OSBP2: variants seen among roughly 807,000 people sequenced by gnomAD.
OSBP2 encodes oxysterol-binding protein 2.
Under a neutral mutation model 96.0 loss-of-function variants are expected in OSBP2, and 66 were observed. That is an observed-to-expected ratio of 0.69 (90% CI 0.56 to 0.84). OSBP2 has a LOEUF of 0.84. OSBP2 is among the 40% of genes least tolerant of loss of function. The probability of loss-of-function intolerance (pLI) is 0.00; values close to 1 mark genes in which losing one functional copy is unlikely to be tolerated. For synonymous variants in OSBP2, 525 were observed against 520.9 expected (o/e 1.01, Z -0.11); for missense variants, 1,038 against 1,222.7 (o/e 0.85, Z 2.25).
chr22:30,840,598 A>G (rs1204964199), intron 2 of OSBP2, among the ~76,000 whole-genome samples: 2 of 152,194 alleles, frequency 1.3e-5, no homozygotes, highest in Admixed American at 6.5e-5. Flanking sequence ...GCCTCTCCAA[A>G]CCTATGTCTT....
At chr22:30,905,185 G>A (rs1269728554) in intron 12 of OSBP2, among the ~76,000 whole-genome samples, 7 of 124,018 alleles carry the variant, frequency 5.6e-5, no homozygotes, top group South Asian at 2.8e-4. Flanking sequence ...TCGAACTGTC[G>A]CCCAGGCTGG....
At position 30,905,828 on chromosome 22, in the gene OSBP2, C is replaced by T. The variant is rs757123208; in HGVS notation, c.2376-9C>T. The T allele has an allele frequency of 1.9e-6, 3 of 1,612,416 alleles. No homozygotes were observed. In the African/African-American group the frequency reaches 4.0e-5, roughly 22 times the overall value. ...GCAGCCACCGCCACCGCCACCACCA[C>T]CGCCACAGGGAGAACGCGGAGAACA... On this transcript the variant is annotated splice_polypyrimidine_tract_variant and intron_variant, in intron 12 of 13. Coordinates refer to ENST00000332585, the MANE Select transcript of OSBP2 (RefSeq NM_030758.4).
intron 1 of OSBP2, 124 bp from the exon 2 acceptor site, chr22:30,741,037 T>A: frequency 2.6e-6 from 2 of 769,220 alleles, no homozygotes; most frequent in Non-Finnish European, 4.2e-6. Flanking sequence ...TCTCCCAACT[T>A]TGACTCCAGG....
intron 1 of OSBP2, among the ~76,000 whole-genome samples, chr22:30,724,387 T>G (rs1440941544): frequency 6.6e-6 from 1 of 152,052 alleles, no homozygotes; most frequent in African/African-American, 2.4e-5. Flanking sequence ...CCGGCTAGTT[T>G]ATTTTATATT....
intron 2 of OSBP2, among the ~76,000 whole-genome samples, chr22:30,784,239 G>GATTT (rs113982370): frequency 0.031 from 4,672 of 149,228 alleles, 208 homozygotes; most frequent in African/African-American, 0.11. Context: ...CAACAAGTGT[G>GATTT]ATTTATTTAT....
chr22:30,881,454 G>A lies in OSBP2; in HGVS notation c.1108-5972G>A, dbSNP rs2039700497. On this transcript the variant is annotated intron_variant, in intron 3 of 13. Transcript: ENST00000332585. This position sits in a 1 kb window ranked among gnomAD's most constrained non-coding sequence, Gnocchi z 4.5. ...AACAATTCAGGACACAAATGTGCGG[G>A]TAGGGGGCTTCAGGTCAGCCCGTCT... is the stretch of plus-strand genomic sequence containing the variant. Among the ~76,000 whole-genome samples the A allele has an allele frequency of 6.6e-6, 1 of 152,162 alleles. No homozygotes were observed. The highest frequency in any genetic ancestry group is 6.5e-5 in the Admixed American group (1 of 15,288).
chr22:30,748,843 T>C (rs1171849970), intron 2 of OSBP2, among the ~76,000 whole-genome samples: 1 of 152,152 alleles, frequency 6.6e-6, no homozygotes, highest in Non-Finnish European at 1.5e-5. Context: ...AGGCCAGACA[T>C]GGTGGCTCAT....
chr22:30,825,417 G>T (rs2038377645), intron 2 of OSBP2, among the ~76,000 whole-genome samples: 1 of 152,158 alleles, frequency 6.6e-6, no homozygotes, highest in African/African-American at 2.4e-5. Context: ...TACTCACCTG[G>T]CAAGGTTGCT....
At chr22:30,897,099 A>C (rs918566390) in intron 12 of OSBP2, among the ~76,000 whole-genome samples, 1 of 152,268 alleles carries the variant, frequency 6.6e-6, no homozygotes, top group Non-Finnish European at 1.5e-5. Context: ...AATAGACTTT[A>C]GGACAAAAGC....
intron 1 of OSBP2, among the ~76,000 whole-genome samples, chr22:30,734,249 G>C (rs1436512223): frequency 6.6e-6 from 1 of 152,190 alleles, no homozygotes; most frequent in Non-Finnish European, 1.5e-5. Context: ...ATAGGCATGA[G>C]CCATCATGCC....
Position 30,906,793 on chromosome 22 carries a change from A to AGT in OSBP2, c.*458_*459dup, listed in dbSNP as rs2040345521. On this transcript the variant is annotated 3_prime_UTR_variant, in exon 14 of 14. Coordinates refer to ENST00000332585, the MANE Select transcript of OSBP2 (RefSeq NM_030758.4). ...ACCGCACTTAGCAGACAGCTTTCCA[A>AGT]GTGTGCTTTCTTGCCACAAAAGTGT... The AGT allele has an allele frequency of 6.5e-6, 1 of 154,192 alleles. No individual in the cohort carries two copies. Among genetic ancestry groups the AGT allele is most frequent in the South Asian group, 2.1e-4 (1 of 4,844 alleles). The allele number at this position is 154,192 out of a possible 1,614,324, so 9.6% of individuals were successfully genotyped here. A position where few individuals can be genotyped will look rare whatever the true frequency, so the allele number is the denominator to read the frequency against.
At chr22:30,858,743 G>A (rs1368317589) in intron 2 of OSBP2, among the ~76,000 whole-genome samples, 2 of 151,602 alleles carry the variant, frequency 1.3e-5, no homozygotes, top group Admixed American at 1.3e-4. Context: ...GCCAGGTGTG[G>A]TGGTGGATGC....
At chr22:30,825,935 G>T (rs1020142385) in intron 2 of OSBP2, among the ~76,000 whole-genome samples, 2 of 152,158 alleles carry the variant, frequency 1.3e-5, no homozygotes, top group Admixed American at 6.5e-5. Context: ...GGGGATCAGG[G>T]TGATGGCAGC....
At chr22:30,745,666 C>CAAAAAAAAAAAAAAAAAAAAAAAA (rs71328868) in intron 2 of OSBP2, among the ~76,000 whole-genome samples, 1 of 58,670 alleles carries the variant, frequency 1.7e-5, no homozygotes, top group African/African-American at 6.6e-5. Flanking sequence ...GACTCTGTCT[C>CAAAAAAAAAAAAAAAAAAAAAAAA]AAAAAAAAAA....
intron 2 of OSBP2, among the ~76,000 whole-genome samples, chr22:30,764,832 A>G (rs1257013624): frequency 6.6e-6 from 1 of 152,206 alleles, no homozygotes; most frequent in East Asian, 1.9e-4. Flanking sequence ...GCCAGACAGT[A>G]TAAAGAACTC....
At chr22:30,768,296 G>C (rs1253769556) in intron 2 of OSBP2, among the ~76,000 whole-genome samples, 2 of 152,178 alleles carry the variant, frequency 1.3e-5, no homozygotes, top group Non-Finnish European at 2.9e-5. Flanking sequence ...TTTCAGTAGA[G>C]AAGTAGGCGT....
At chr22:30,751,353 A>T (rs1431486730) in intron 2 of OSBP2, among the ~76,000 whole-genome samples, 4 of 151,250 alleles carry the variant, frequency 2.6e-5, no homozygotes, top group Non-Finnish European at 4.4e-5. Flanking sequence ...GTATATATAT[A>T]TATTTTTTTC....
chr22:30,794,845 AT>A lies in OSBP2; in HGVS notation c.853+53478del. 3.3e-5 allele frequency among the ~76,000 whole-genome samples: 5 copies of A among 151,636 alleles called. 1 individual carries two copies. The highest frequency in any genetic ancestry group is 3.3e-4 in the Admixed American group (5 of 15,214). ...TCGTATTATTGTTATTTTATGTTTT[AT>A]TCATACATGTATACATTCCACAAAG... On this transcript the variant is annotated intron_variant, in intron 2 of 13. Coordinates refer to ENST00000332585, the MANE Select transcript of OSBP2 (RefSeq NM_030758.4).
At chr22:30,823,434 G>GA (rs1310855570) in intron 2 of OSBP2, among the ~76,000 whole-genome samples, 2 of 152,226 alleles carry the variant, frequency 1.3e-5, no homozygotes, top group Non-Finnish European at 2.9e-5. Flanking sequence ...CTGAAACTCG[G>GA]AAAAATTAGG....
Sources: gnomAD v4.1 joint callset for allele counts (sites outside exome capture counted in the v4.1 genomes callset) on GRCh38, gnomAD v4.1.1 for gene constraint, Gnocchi (gnomAD v3.1) non-coding constraint, MANE v1.5 for transcripts, NCBI Gene and HGNC (gene_info 2026-07-23, HGNC 2026-07-21) for gene names.